Variants in INPP4A observed in about 807,000 individuals in gnomAD.
INPP4A encodes inositol polyphosphate-4-phosphatase, type I, 107kD.
Under a neutral mutation model 119.8 loss-of-function variants are expected in INPP4A, and 33 were observed. The observed-to-expected ratio is 0.28, with a 90% CI of 0.21 to 0.37. INPP4A has a LOEUF of 0.37. INPP4A is among the 10% of genes least tolerant of loss of function. The pLI is 1.00. For synonymous variants in INPP4A, 496 were observed against 500.7 expected (o/e 0.99, Z 0.12); for missense variants, 956 against 1,289.9 (o/e 0.74, Z 3.97).
chr2:98,483,760 T>C (rs1331745954), intron 1 of INPP4A, among the ~76,000 whole-genome samples: 1 of 152,154 alleles, frequency 6.6e-6, no homozygotes, highest in Non-Finnish European at 1.5e-5. Flanking sequence ...TGTTGGCTAC[T>C]CTGCTCCCAT....
At chr2:98,534,200 A>G (rs1246231344) in intron 5 of INPP4A, among the ~76,000 whole-genome samples, 1 of 152,238 alleles carries the variant, frequency 6.6e-6, no homozygotes, top group Non-Finnish European at 1.5e-5. Flanking sequence ...TCTGCTTTCT[A>G]AGCAGTTGTC....
chr2:98,551,236 C>T (rs901386923), intron 13 of INPP4A, among the ~76,000 whole-genome samples: 1 of 152,194 alleles, frequency 6.6e-6, no homozygotes, highest in Non-Finnish European at 1.5e-5. Flanking sequence ...GATTATAGGC[C>T]ACCATGCTTG....
In INPP4A at chr2:98,566,090, A is replaced by C. The variant is rs1696379007; in HGVS notation, c.2341A>C (p.Ile781Leu). 2 of 1,601,934 alleles carry C rather than the reference A, an allele frequency of 1.2e-6. No individual in the cohort carries two copies. Among genetic ancestry groups the C allele is most frequent in the African/African-American group, 2.7e-5 (2 of 74,608 alleles). ...GCTGTTTGACGCCTTGCCCCGGGAG[A>C]TCCAGAGTGGCATGCTGCTGCGAGT... ...GPLFDALPRE[I>L]QSGMLLRVQP... The change falls in exon 21 of 25, where the codon ATC (isoleucine) becomes CTC (leucine). Residue 781 changes from isoleucine to leucine, a missense_variant. Ile to Leu is a conservative substitution (Grantham distance 5). Around this residue, in one of 2 missense-constraint regions of INPP4A, gnomAD observed 304 missense variants for 492.1 expected, o/e 0.62. Coordinates refer to ENST00000409851, the MANE Select transcript of INPP4A (RefSeq NM_001134225.2). The surrounding 1 kb of genome is among the most constrained non-coding windows in gnomAD (Gnocchi z 4.2).
intron 1 of INPP4A, among the ~76,000 whole-genome samples, chr2:98,518,039 CAT>C (rs1686479573): frequency 6.6e-6 from 1 of 152,194 alleles, no homozygotes; most frequent in South Asian, 2.1e-4. Context: ...AAATGTTTAC[CAT>C]GTGTGTTCCT....
intron 1 of INPP4A, among the ~76,000 whole-genome samples, chr2:98,453,619 C>G (rs75575109): frequency 0.031 from 4,726 of 152,130 alleles, 268 homozygotes; most frequent in African/African-American, 0.11. Context: ...CCTGGGCGTG[C>G]GACCTGTGAC....
intron 1 of INPP4A, among the ~76,000 whole-genome samples, chr2:98,493,070 C>T (rs1169596516): frequency 2.0e-5 from 3 of 152,186 alleles, no homozygotes; most frequent in South Asian, 4.1e-4. Context: ...TGGCTGGTGG[C>T]GTCACATTTC....
intron 10 of INPP4A, among the ~76,000 whole-genome samples, chr2:98,543,359 A>G (rs372033592): frequency 9.2e-5 from 14 of 152,208 alleles, no homozygotes; most frequent in East Asian, 7.7e-4. Flanking sequence ...CAGAAGGCCC[A>G]TACCTCAGGA....
chr2:98,543,732 G>C (rs1286134768), intron 10 of INPP4A, 145 bp from the exon 11 acceptor site: 4 of 990,600 alleles, frequency 4.0e-6, no homozygotes, highest in Non-Finnish European at 4.4e-6. Context: ...TTGCCCTTTA[G>C]ACAGGCAGTG....
chr2:98,444,998 G>T lies in INPP4A; in HGVS notation c.-253G>T, dbSNP rs1693908529. ...CCCGCAGCCCGCGACTTCACAGCCA[G>T]GCGGCGGCGCTGCTGCTGCTGCGGG... On this transcript the variant is annotated 5_prime_UTR_variant, in exon 1 of 25. It adds an upstream start codon to the 5' untranslated region. Coordinates refer to ENST00000409851, the MANE Select transcript of INPP4A (RefSeq NM_001134225.2). The T allele has an allele frequency of 6.7e-6, 1 of 150,184 alleles. No individual in the cohort carries two copies. The highest frequency in any genetic ancestry group is 1.5e-5 in the Non-Finnish European group (1 of 67,246). The allele number at this position is 150,184 out of a possible 1,614,324, so 9.3% of individuals were successfully genotyped here.
At chr2:98,444,624 G>C (rs13025465), upstream of INPP4A, among the ~76,000 whole-genome samples, 1 of 152,350 alleles carries the variant, frequency 6.6e-6, no homozygotes, top group Non-Finnish European at 1.5e-5. Flanking sequence ...CCATCGCTCA[G>C]TCAAGTCCAG....
intron 1 of INPP4A, among the ~76,000 whole-genome samples, chr2:98,480,749 C>T (rs1029366599): frequency 4.6e-5 from 7 of 152,206 alleles, no homozygotes; most frequent in African/African-American, 1.7e-4. Context: ...GTCTCCAGTC[C>T]CTTGCATTGC....
At chr2:98,523,459 A>G (rs1427466138) in intron 4 of INPP4A, among the ~76,000 whole-genome samples, 2 of 151,578 alleles carry the variant, frequency 1.3e-5, no homozygotes, top group South Asian at 2.1e-4. Flanking sequence ...CAGTGGCACA[A>G]TCTCGGCTCA....
At position 98,536,924 on chromosome 2, in the gene INPP4A, GT is replaced by G. The variant is rs528181398; in HGVS notation, c.467+719del. ...AGAGCCCTGCAGCAGCCCTTAGTTT[GT>G]TTAGAGAACTTGATTCAGGAAAAAG... On this transcript the variant is annotated intron_variant, in intron 7 of 24. Transcript: ENST00000409851. Among the ~76,000 whole-genome samples, 36 of 152,300 alleles carry G rather than the reference GT, an allele frequency of 2.4e-4. No homozygotes were observed. In the South Asian group the frequency reaches 7.3e-3, roughly 31 times the overall value.
At chr2:98,567,362 G>T (rs1216800897) in intron 21 of INPP4A, among the ~76,000 whole-genome samples, 1 of 152,228 alleles carries the variant, frequency 6.6e-6, no homozygotes, top group Non-Finnish European at 1.5e-5. Flanking sequence ...TCATAAACTG[G>T]CAGGAGAGTC....
intron 21 of INPP4A, among the ~76,000 whole-genome samples, chr2:98,567,946 G>C (rs1409297670): frequency 1.3e-5 from 2 of 152,224 alleles, no homozygotes; most frequent in African/African-American, 4.8e-5. Flanking sequence ...AGACTGCACT[G>C]GGGCCCAGGA....
At chr2:98,466,186 C>A (rs993963065) in intron 1 of INPP4A, among the ~76,000 whole-genome samples, 1 of 152,228 alleles carries the variant, frequency 6.6e-6, no homozygotes, top group South Asian at 2.1e-4. Flanking sequence ...GCTGGGACTA[C>A]AGGCGTACGC....
At chr2:98,573,006 A>T (rs995476501) in intron 23 of INPP4A, 79 bp downstream of exon 23, 1 of 1,106,168 alleles carries the variant, frequency 9.0e-7, no homozygotes, top group African/African-American at 1.6e-5. Context: ...ACAAAGTAGA[A>T]TCTCAGCAGG....
chr2:98,523,090 G>T (rs1488639831), intron 4 of INPP4A, among the ~76,000 whole-genome samples: 3 of 152,210 alleles, frequency 2.0e-5, no homozygotes, highest in Admixed American at 6.5e-5. Flanking sequence ...CAAGAGAGAA[G>T]TGGAAGGAAT....
intron 22 of INPP4A, among the ~76,000 whole-genome samples, chr2:98,571,308 G>C (rs943363528): frequency 6.6e-6 from 1 of 152,242 alleles, no homozygotes; most frequent in Non-Finnish European, 1.5e-5. Context: ...CCCAGGAGCT[G>C]GGCCAAGCCC....
Sources: gnomAD v4.1 joint callset for allele counts (sites outside exome capture counted in the v4.1 genomes callset) on GRCh38, gnomAD v4.1.1 for gene constraint, gnomAD v4.1.1 regional missense constraint, Gnocchi (gnomAD v3.1) non-coding constraint, MANE v1.5 for transcripts, NCBI Gene and HGNC (gene_info 2026-07-23, HGNC 2026-07-21) for gene names.